B3GALT1: variants seen among roughly 807,000 people sequenced by gnomAD.
B3GALT1 encodes the protein UDP-Gal:betaGlcNAc beta 1,3-galactosyltransferase, polypeptide 1.
In B3GALT1, 10 loss-of-function variants were observed where a neutral mutation model predicts 23.2. The ratio of observed to expected loss-of-function variants is 0.43; its 90% CI spans 0.27 to 0.73. B3GALT1 has a LOEUF of 0.73. Ranked by LOEUF, B3GALT1 falls within the 30% of genes least tolerant of loss-of-function variation. B3GALT1 has a pLI of 0.21. For synonymous variants in B3GALT1, 156 were observed against 141.5 expected (o/e 1.10, Z -0.73); for missense variants, 299 against 405.4 (o/e 0.74, Z 2.25).
intron 3 of B3GALT1, among the ~76,000 whole-genome samples, chr2:167,760,287 G>C (rs1317463405): frequency 6.6e-6 from 1 of 152,164 alleles, no homozygotes; most frequent in Non-Finnish European, 1.5e-5. Flanking sequence ...CATAATAAAT[G>C]AGAACTCATT....
At chr2:167,789,157 C>G (rs1055049654) in intron 3 of B3GALT1, among the ~76,000 whole-genome samples, 1 of 152,174 alleles carries the variant, frequency 6.6e-6, no homozygotes, top group Non-Finnish European at 1.5e-5. Flanking sequence ...TTTGAGGCAT[C>G]GGAAGACAGG....
At chr2:167,407,959 T>C (rs1353618039) in intron 1 of B3GALT1, among the ~76,000 whole-genome samples, 2 of 151,114 alleles carry the variant, frequency 1.3e-5, no homozygotes. Flanking sequence ...GGTGAGGCAA[T>C]ACTTTAAAAC....
chr2:167,651,271 TGCGC>T (rs200734697), intron 3 of B3GALT1, among the ~76,000 whole-genome samples: 4,330 of 18,344 alleles, frequency 0.24, 158 homozygotes, highest in East Asian at 0.42. Flanking sequence ...TGTGTGTGTG[TGCGC>T]GCACGTGCAC....
rs941348591 is a variant in B3GALT1, at chr2:167,293,099, G to C, written c.-746G>C. 1 of 151,034 alleles carries C rather than the reference G, an allele frequency of 6.6e-6. No individual in the cohort carries two copies. The allele number at this position is 151,034 out of a possible 1,614,324, so 9.4% of individuals were successfully genotyped here. A position where few individuals can be genotyped will look rare whatever the true frequency, so the allele number is the denominator to read the frequency against. ...TGGGCGAGCTCGCGCGGGCGCCGCC[G>C]CCGCCTCTGCTGCTGCCCACCCCGC... On this transcript the variant is annotated 5_prime_UTR_variant, in exon 1 of 5. Transcript: ENST00000392690.
chr2:167,636,841 G>A (rs912675191), intron 2 of B3GALT1, among the ~76,000 whole-genome samples: 5 of 151,998 alleles, frequency 3.3e-5, no homozygotes, highest in Non-Finnish European at 7.4e-5. Context: ...GTCAGTGGGT[G>A]GGGGGCTATG....
chr2:167,606,833 A>C (rs1302395815), intron 2 of B3GALT1, among the ~76,000 whole-genome samples: 1 of 152,202 alleles, frequency 6.6e-6, no homozygotes, highest in East Asian at 1.9e-4. Flanking sequence ...TTTGCCAAGA[A>C]CTTTGACTTT....
chr2:167,717,598 T>A (rs1204646154), intron 3 of B3GALT1, among the ~76,000 whole-genome samples: 2 of 152,216 alleles, frequency 1.3e-5, no homozygotes, highest in Non-Finnish European at 2.9e-5. Context: ...CTTAACGTAA[T>A]TTAATTAGTT....
intron 2 of B3GALT1, among the ~76,000 whole-genome samples, chr2:167,614,012 A>G (rs1018851215): frequency 4.6e-5 from 7 of 151,692 alleles, no homozygotes; most frequent in African/African-American, 1.4e-4. Flanking sequence ...CATGAACACT[A>G]CTCTCGTTTA....
chr2:167,660,650 T>C lies in B3GALT1; in HGVS notation c.-352+13684T>C, dbSNP rs542506638. On this transcript the variant is annotated intron_variant, in intron 3 of 4. Coordinates refer to ENST00000392690, the MANE Select transcript of B3GALT1 (RefSeq NM_020981.4). Reference sequence around the variant, plus strand: ...AAGGGTCTGGAACCTCCTTTCAATATGCACGTGAGTCTCACTGTCACTAGA... The same window carrying C: ...AAGGGTCTGGAACCTCCTTTCAATACGCACGTGAGTCTCACTGTCACTAGA... 2.0e-5 allele frequency among the ~76,000 whole-genome samples: 3 copies of C among 152,254 alleles called. 1 individual carries two copies. Among genetic ancestry groups the C allele is most frequent in the African/African-American group, 7.2e-5 (3 of 41,564 alleles).
chr2:167,607,537 A>G (rs949247610), intron 2 of B3GALT1, among the ~76,000 whole-genome samples: 1 of 149,520 alleles, frequency 6.7e-6, no homozygotes, highest in African/African-American at 2.4e-5. Context: ...GTGTGTGTGC[A>G]CAGGTGCACA....
At chr2:167,315,657 C>T (rs531052810) in intron 1 of B3GALT1, among the ~76,000 whole-genome samples, 1 of 152,290 alleles carries the variant, frequency 6.6e-6, no homozygotes, top group East Asian at 1.9e-4. Flanking sequence ...TCTCCCTCCT[C>T]TTATCCCTCC....
intron 1 of B3GALT1, among the ~76,000 whole-genome samples, chr2:167,322,825 A>G (rs981964638): frequency 6.6e-6 from 1 of 152,030 alleles, no homozygotes; most frequent in Non-Finnish European, 1.5e-5. Flanking sequence ...TTAAACTTAT[A>G]ATTTAAAATG....
chr2:167,573,912 G>T (rs1684340252), intron 2 of B3GALT1, among the ~76,000 whole-genome samples: 1 of 151,636 alleles, frequency 6.6e-6, no homozygotes, highest in African/African-American at 2.4e-5. Flanking sequence ...CTATGTACAA[G>T]TTTCTTTTTT....
At chr2:167,485,262 C>A (rs1014832248) in intron 1 of B3GALT1, among the ~76,000 whole-genome samples, 2 of 152,038 alleles carry the variant, frequency 1.3e-5, no homozygotes, top group Non-Finnish European at 2.9e-5. Flanking sequence ...TGAGAAAATT[C>A]TGCCTGAACC....
intron 4 of B3GALT1, among the ~76,000 whole-genome samples, chr2:167,852,567 A>G (rs1689923924): frequency 6.6e-6 from 1 of 151,798 alleles, no homozygotes; most frequent in Non-Finnish European, 1.5e-5. Context: ...ATTTTATCGG[A>G]AAATTTATTT....
chr2:167,519,678 A>G (rs1700158680), intron 2 of B3GALT1, among the ~76,000 whole-genome samples: 1 of 152,240 alleles, frequency 6.6e-6, no homozygotes, highest in Non-Finnish European at 1.5e-5. Context: ...TGGAAAATAT[A>G]TAAAAGTGTA....
At chr2:167,676,113 A>G (rs1233800656) in intron 3 of B3GALT1, among the ~76,000 whole-genome samples, 1 of 151,832 alleles carries the variant, frequency 6.6e-6, no homozygotes, top group Non-Finnish European at 1.5e-5. Flanking sequence ...AGCGAATCTC[A>G]TGGTTCCAGA....
rs377678516 is a variant in B3GALT1 at position 167,668,680 on chromosome 2, AG to A, written c.-352+21715del. 3.5e-4 allele frequency among the ~76,000 whole-genome samples: 53 copies of A among 152,268 alleles called. No individual in the cohort carries two copies. The East Asian group carries it at 9.1e-3, about 26-fold the overall frequency. On this transcript the variant is annotated intron_variant, in intron 3 of 4. Coordinates refer to ENST00000392690, the MANE Select transcript of B3GALT1 (RefSeq NM_020981.4). ...CGCCGTTTTTTAAGCCCATCGGAAA[AG>A]CAGTCTTCGGGTGGGAGTGACCCGA...
rs77541288 is a variant in B3GALT1, at chr2:167,396,371, G to A, written c.-510-93806G>A. ...TGTCCTCTATGTGTAGGAATGCTTA[G>A]TAAATAGAGTGAGCCTTTGGGGAAT... On this transcript the variant is annotated intron_variant, in intron 1 of 4. Transcript: ENST00000392690. Among the ~76,000 whole-genome samples, 244 of 152,040 alleles carry A rather than the reference G, an allele frequency of 1.6e-3. 1 individual carries two copies. In the East Asian group the frequency reaches 0.018, roughly 11 times the overall value.
Sources: gnomAD v4.1 joint callset for allele counts (sites outside exome capture counted in the v4.1 genomes callset) on GRCh38, gnomAD v4.1.1 for gene constraint, MANE v1.5 for transcripts, NCBI Gene and HGNC (gene_info 2026-07-23, HGNC 2026-07-21) for gene names.